The following DMXL2 variants were observed in gnomAD, a reference collection of about 807,000 sequenced individuals.
DMXL2 encodes dmX-like protein 2.
In DMXL2, 103 loss-of-function variants were observed where a neutral mutation model predicts 331.1. The observed-to-expected ratio is 0.31, with a 90% CI of 0.27 to 0.37. DMXL2 has a LOEUF of 0.37. Among genes scored for constraint, DMXL2 ranks in the 10% least tolerant of loss-of-function variants. The pLI, the probability that DMXL2 is intolerant of heterozygous loss-of-function variation, is 1.00. For synonymous variants in DMXL2, 1,281 were observed against 1,252.1 expected (o/e 1.02, Z -0.49); for missense variants, 3,171 against 3,642.9 (o/e 0.87, Z 3.33).
chr15:51,564,360 G>T, intron 4 of DMXL2, 100 bp from the exon 5 acceptor site: 1 of 932,886 alleles, frequency 1.1e-6, no homozygotes, highest in Non-Finnish European at 1.5e-6. Flanking sequence ...AATATTATGT[G>T]AAAAGTAAGC....
chr15:51,456,504 T>TATGTAGTGGTTCA, intron 37 of DMXL2, 135 bp from the exon 38 acceptor site: 1 of 616,860 alleles, frequency 1.6e-6, no homozygotes, highest in Non-Finnish European at 2.8e-6. Context: ...ATGGATGTTC[T>TATGTAGTGGTTCA]GAACCACTAC....
At chr15:51,497,842 C>A (rs2083751206) in intron 18 of DMXL2, among the ~76,000 whole-genome samples, 1 of 152,158 alleles carries the variant, frequency 6.6e-6, no homozygotes, top group African/African-American at 2.4e-5. Flanking sequence ...AAGTTGAGCC[C>A]ATGAGGTCCC....
chr15:51,501,495 G>C (rs944771997), intron 17 of DMXL2, among the ~76,000 whole-genome samples: 1 of 152,072 alleles, frequency 6.6e-6, no homozygotes, highest in East Asian at 1.9e-4. Context: ...AAGGTGAGAC[G>C]TGATTACCAC....
rs746919442 is a variant in DMXL2, at chr15:51,622,575, G to C, written c.-30C>G. The C allele has an allele frequency of 1.3e-6, 2 of 1,539,872 alleles. No individual in the cohort carries two copies. Among genetic ancestry groups the C allele is most frequent in the Non-Finnish European group, 8.8e-7 (1 of 1,140,400 alleles). ...GGAGCCCGGGCTGGACAGAATGCGC[G>C]GGAGGTGCGACAAGCTCCGCGCCTG... On this transcript the variant is annotated 5_prime_UTR_variant, in exon 1 of 44. Coordinates refer to ENST00000560891, the MANE Select transcript of DMXL2 (RefSeq NM_001378457.1).
chr15:51,461,362 C>G (rs1042269953), intron 33 of DMXL2, among the ~76,000 whole-genome samples: 2 of 151,764 alleles, frequency 1.3e-5, no homozygotes, highest in Non-Finnish European at 2.9e-5. Context: ...CCAAGAAACC[C>G]AGACACCTGG....
intron 1 of DMXL2, among the ~76,000 whole-genome samples, chr15:51,586,049 C>T (rs1326242771): frequency 6.6e-6 from 1 of 152,178 alleles, no homozygotes; most frequent in Non-Finnish European, 1.5e-5. Flanking sequence ...ATTGAGAACA[C>T]ACTTTACTGA....
chr15:51,507,136 A>G lies in DMXL2; in HGVS notation c.2762T>C (p.Leu921Ser), dbSNP rs1314782726. 1 of 1,591,722 alleles carries G rather than the reference A, an allele frequency of 6.3e-7. No homozygotes were observed. The highest frequency in any genetic ancestry group is 1.3e-5 in the African/African-American group (1 of 74,446). The change falls in exon 16 of 44, where the codon TTA (leucine) becomes TCA (serine). Residue 921 changes from leucine to serine, a missense_variant and splice_region_variant. Leu to Ser is a moderately radical substitution (Grantham distance 145). Coordinates refer to ENST00000560891, the MANE Select transcript of DMXL2 (RefSeq NM_001378457.1). ...TGTATAAAACTATAATTACTTACCT[A>G]AACATGCTTGTACAGATTTAAGATG... The part of the protein sequence containing the change: ...HLHLKSVQAC[L>S]AKASEGASSE...
At chr15:51,461,126 T>A (rs1330762846) in intron 33 of DMXL2, among the ~76,000 whole-genome samples, 1 of 152,212 alleles carries the variant, frequency 6.6e-6, no homozygotes, top group Non-Finnish European at 1.5e-5. Context: ...CTCCCAGCCA[T>A]GTACTTCCCT....
chr15:51,487,886 C>G (rs1021195608), intron 22 of DMXL2, 68 bp downstream of exon 22: 55 of 1,322,872 alleles, frequency 4.2e-5, no homozygotes, highest in Non-Finnish European at 5.2e-5. Flanking sequence ...AAGTTACAAT[C>G]TCCTCTACAA....
chr15:51,570,664 C>T (rs964863802), intron 2 of DMXL2, among the ~76,000 whole-genome samples: 1 of 152,214 alleles, frequency 6.6e-6, no homozygotes, highest in Non-Finnish European at 1.5e-5. Context: ...GAATTTTCAA[C>T]CCAGAATTTC....
At chr15:51,498,204 A>C (rs975291636) in intron 18 of DMXL2, among the ~76,000 whole-genome samples, 3 of 152,136 alleles carry the variant, frequency 2.0e-5, no homozygotes, top group African/African-American at 7.2e-5. Context: ...TGCACCGCTC[A>C]ACTCCAGCTT....
chr15:51,496,016 T>G (rs936657271), intron 18 of DMXL2, among the ~76,000 whole-genome samples: 1 of 152,036 alleles, frequency 6.6e-6, no homozygotes, highest in Non-Finnish European at 1.5e-5. Context: ...ATGTATCTAT[T>G]TATTTATTTA....
At chr15:51,587,223 T>C (rs1210298779) in intron 1 of DMXL2, among the ~76,000 whole-genome samples, 7 of 152,206 alleles carry the variant, frequency 4.6e-5, no homozygotes, top group Admixed American at 3.3e-4. Context: ...AACGTGCAGG[T>C]TTGTTACATA....
intron 19 of DMXL2, 134 bp downstream of exon 19, chr15:51,494,890 G>A (rs2043064537): frequency 7.4e-6 from 4 of 537,868 alleles, no homozygotes; most frequent in Non-Finnish European, 1.3e-5. Flanking sequence ...GGTACTATGT[G>A]ACAGAAAGAT....
intron 42 of DMXL2, 137 bp downstream of exon 42, chr15:51,451,508 T>G: frequency 1.5e-6 from 1 of 677,428 alleles, no homozygotes. Flanking sequence ...TTTTTAGTCA[T>G]TCATTCTAAA....
At chr15:51,526,520 A>G (rs1475863589) in intron 13 of DMXL2, among the ~76,000 whole-genome samples, 4 of 152,232 alleles carry the variant, frequency 2.6e-5, no homozygotes, top group African/African-American at 9.6e-5. Flanking sequence ...TATCAAGACA[A>G]TTCAGGAAAA....
intron 23 of DMXL2, among the ~76,000 whole-genome samples, chr15:51,483,793 C>G (rs2042191466): frequency 6.6e-6 from 1 of 152,184 alleles, no homozygotes; most frequent in Non-Finnish European, 1.5e-5. Context: ...CTTCCACGGC[C>G]CTGTGGGCTA....
intron 43 of DMXL2, among the ~76,000 whole-genome samples, 200 bp downstream of exon 43, chr15:51,449,929 T>C (rs1314383552): frequency 6.6e-6 from 1 of 152,142 alleles, no homozygotes; most frequent in Admixed American, 6.6e-5. Flanking sequence ...TCCAATGAGT[T>C]TGATAATCTC....
chr15:51,480,006 A>G lies in DMXL2; in HGVS notation c.6698T>C (p.Ile2233Thr), dbSNP rs904388842. 6.3e-7 allele frequency: 1 copy of G among 1,586,954 alleles called. No individual in the cohort carries two copies. Among genetic ancestry groups the G allele is most frequent in the East Asian group, 2.3e-5 (1 of 44,280 alleles). ...TTTCATCTGAACAATAGTATAAAGT[A>G]TATCATGGATGTGATTATTTAAGTA... ...VLYLNNHIHD[I>T]LYTIVQMKTP... Residue 2233 changes from isoleucine to threonine, a missense_variant, in exon 25 of 44, where the codon ATA (isoleucine) becomes ACA (threonine). Ile to Thr is a moderately conservative substitution (Grantham distance 89). Transcript: ENST00000560891.
Sources: gnomAD v4.1 joint callset for allele counts (sites outside exome capture counted in the v4.1 genomes callset) on GRCh38, gnomAD v4.1.1 for gene constraint, MANE v1.5 for transcripts, NCBI Gene and HGNC (gene_info 2026-07-23, HGNC 2026-07-21) for gene names.